Variants in HS6ST3 observed in about 807,000 individuals in gnomAD.
HS6ST3 encodes heparan sulfate 6-O-sulfotransferase 3, also known as heparan-sulfate 6-O-sulfotransferase 3.
In HS6ST3, 12 loss-of-function variants were observed where a neutral mutation model predicts 36.7. The ratio of observed to expected loss-of-function variants is 0.33; its 90% confidence interval spans 0.21 to 0.53. The LOEUF is 0.53. HS6ST3 is among the 20% of genes least tolerant of loss of function. The pLI is 0.95. For missense variants in HS6ST3, 584 were observed against 640.9 expected (o/e 0.91, Z 0.96); for synonymous variants, 240 against 257.5 (o/e 0.93, Z 0.65).
intron 1 of HS6ST3, among the ~76,000 whole-genome samples, chr13:96,148,827 A>G (rs2054070220): frequency 6.6e-6 from 1 of 152,190 alleles, no homozygotes; most frequent in Non-Finnish European, 1.5e-5. Flanking sequence ...TAAGCATTAA[A>G]CCAGAAATAA....
At chr13:96,645,598 G>A (rs2056585947) in intron 1 of HS6ST3, among the ~76,000 whole-genome samples, 1 of 151,502 alleles carries the variant, frequency 6.6e-6, no homozygotes, top group African/African-American at 2.4e-5. Context: ...TTTGGCTAGA[G>A]GATTCATACT....
chr13:96,412,675 G>A (rs2055513733), intron 1 of HS6ST3, among the ~76,000 whole-genome samples: 1 of 151,990 alleles, frequency 6.6e-6, no homozygotes, highest in African/African-American at 2.4e-5. Context: ...AGATCAGTGA[G>A]GAAAGTGTTG....
intron 1 of HS6ST3, among the ~76,000 whole-genome samples, chr13:96,632,151 C>T (rs2056534066): frequency 6.6e-6 from 1 of 152,110 alleles, no homozygotes; most frequent in Non-Finnish European, 1.5e-5. Context: ...GCCCCTTCAT[C>T]TCTTCTGCCC....
At chr13:96,144,757 A>C (rs1280993351) in intron 1 of HS6ST3, among the ~76,000 whole-genome samples, 3 of 149,772 alleles carry the variant, frequency 2.0e-5, no homozygotes, top group Admixed American at 6.6e-5. Flanking sequence ...GTCATTTAGC[A>C]TTAGGTATAT....
intron 1 of HS6ST3, among the ~76,000 whole-genome samples, chr13:96,205,195 A>G (rs1208303886): frequency 2.0e-5 from 3 of 152,168 alleles, no homozygotes; most frequent in African/African-American, 7.2e-5. Context: ...AATACTATAA[A>G]CACCTCTACA....
intron 1 of HS6ST3, chr13:96,574,002 T>A (rs2056311701): frequency 5.5e-6 from 3 of 541,894 alleles, no homozygotes; most frequent in Non-Finnish European, 1.1e-5. Flanking sequence ...CAGCCACGAC[T>A]TCCTAGATTC....
chr13:96,317,368 A>AT (rs2054979440), intron 1 of HS6ST3, among the ~76,000 whole-genome samples: 15 of 18,036 alleles, frequency 8.3e-4, no homozygotes, highest in Non-Finnish European at 1.1e-3. Context: ...ATATATATAT[A>AT]AAATTATATA....
At chr13:96,378,891 C>T (rs1214651812) in intron 1 of HS6ST3, among the ~76,000 whole-genome samples, 1 of 152,204 alleles carries the variant, frequency 6.6e-6, no homozygotes, top group Non-Finnish European at 1.5e-5. Flanking sequence ...CAGAAACTCT[C>T]TCAGTTAGTG....
intron 1 of HS6ST3, among the ~76,000 whole-genome samples, chr13:96,186,197 C>A (rs1379507240): frequency 6.6e-6 from 1 of 151,950 alleles, no homozygotes; most frequent in African/African-American, 2.4e-5. Flanking sequence ...TGAAAACAGA[C>A]GAGGTTTTGC....
At chr13:96,526,613 T>A (rs546704848) in intron 1 of HS6ST3, among the ~76,000 whole-genome samples, 27 of 152,324 alleles carry the variant, frequency 1.8e-4, no homozygotes, top group African/African-American at 6.5e-4. Flanking sequence ...TGACGGAATG[T>A]TCTGCTTTAA....
At chr13:96,774,351 G>A (rs1241677324) in intron 1 of HS6ST3, among the ~76,000 whole-genome samples, 1 of 152,114 alleles carries the variant, frequency 6.6e-6, no homozygotes, top group Non-Finnish European at 1.5e-5. Context: ...GACAGAAGTA[G>A]GCTTCAGAAG....
At chr13:96,701,537 G>T (rs1277665565) in intron 1 of HS6ST3, among the ~76,000 whole-genome samples, 1 of 152,156 alleles carries the variant, frequency 6.6e-6, no homozygotes, top group Non-Finnish European at 1.5e-5. Context: ...AGCTGGGAAG[G>T]AAAGTCAGTC....
At chr13:96,492,776 C>A (rs2055953233) in intron 1 of HS6ST3, among the ~76,000 whole-genome samples, 1 of 152,158 alleles carries the variant, frequency 6.6e-6, no homozygotes, top group Non-Finnish European at 1.5e-5. Context: ...TCTTTCCTCT[C>A]TTAAAATTTC....
chr13:96,298,453 A>G (rs2054865978), intron 1 of HS6ST3, among the ~76,000 whole-genome samples: 1 of 152,192 alleles, frequency 6.6e-6, no homozygotes, highest in East Asian at 1.9e-4. Context: ...TAAATAGTAT[A>G]AAGTAAGTTT....
chr13:96,832,421 A>G (rs1878821270), intron 1 of HS6ST3, 69 bp from the exon 2 acceptor site: 1 of 1,195,172 alleles, frequency 8.4e-7, no homozygotes, highest in Non-Finnish European at 1.2e-6. Flanking sequence ...CCGATGTAAA[A>G]TTATAAAAAT....
At chr13:96,192,859 T>A (rs1379155623) in intron 1 of HS6ST3, among the ~76,000 whole-genome samples, 1 of 152,142 alleles carries the variant, frequency 6.6e-6, no homozygotes, top group Non-Finnish European at 1.5e-5. Context: ...TAAATTAGAA[T>A]GAGTATAAAC....
intron 1 of HS6ST3, among the ~76,000 whole-genome samples, chr13:96,359,702 A>T (rs987084350): frequency 1.3e-5 from 2 of 152,200 alleles, no homozygotes; most frequent in African/African-American, 4.8e-5. Flanking sequence ...GAAGGGAATC[A>T]GCATCATGCT....
At chr13:96,797,558 A>C (rs1238247382) in intron 1 of HS6ST3, among the ~76,000 whole-genome samples, 1 of 152,120 alleles carries the variant, frequency 6.6e-6, no homozygotes, top group Admixed American at 6.6e-5. Flanking sequence ...CAACAATGGC[A>C]AAGCTATGAA....
chr13:96,302,570 A>C (rs987281871), intron 1 of HS6ST3, among the ~76,000 whole-genome samples: 38 of 152,234 alleles, frequency 2.5e-4, no homozygotes, highest in Non-Finnish European at 4.9e-4. Flanking sequence ...ATAATATGAA[A>C]ACTATGACAT....
Sources: allele counts gnomAD v4.1 joint callset (sites outside exome capture counted in the v4.1 genomes callset), GRCh38; gene constraint gnomAD v4.1.1; transcripts MANE v1.5; gene names NCBI Gene and HGNC (gene_info 2026-07-23, HGNC 2026-07-21).